Variants in PIK3C2G observed in about 807,000 individuals in gnomAD.
The protein encoded by PIK3C2G is phosphatidylinositol-4-phosphate 3-kinase catalytic subunit type 2 gamma, also known as phosphatidylinositol 3-kinase C2 domain-containing subunit gamma.
Under a neutral mutation model 181.1 loss-of-function variants are expected in PIK3C2G, and 168 were observed. The observed-to-expected ratio is 0.93, with a 90% CI of 0.82 to 1.05. The LOEUF is 1.05. Ranked by LOEUF, PIK3C2G falls within the 50% of genes least tolerant of loss-of-function variation. The pLI, the probability that PIK3C2G is intolerant of heterozygous loss-of-function variation, is 0.00. For missense variants in PIK3C2G, 1,869 were observed against 1,732.8 expected, an observed-to-expected ratio of 1.08 and a Z score of -1.40; for synonymous variants, 573 against 592.2, an observed-to-expected ratio of 0.97 and a Z score of 0.47.
At chr12:18,599,685 AAAAAAT>A (rs1000944161) in intron 30 of PIK3C2G, among the ~76,000 whole-genome samples, 8 of 99,460 alleles carry the variant, frequency 8.0e-5, no homozygotes, top group African/African-American at 3.0e-4. Context: ...TATAAATAAA[AAAAAAT>A]AAAAATAAAA....
intron 30 of PIK3C2G, among the ~76,000 whole-genome samples, chr12:18,607,552 A>T (rs960026135): frequency 5.3e-5 from 8 of 152,238 alleles, no homozygotes; most frequent in Non-Finnish European, 1.0e-4. Flanking sequence ...AATTAATTCA[A>T]GATGGATTAA....
At chr12:18,688,048 G>C in the PIK3C2G span, 1 of 1,601,396 alleles carries the variant, frequency 6.2e-7, no homozygotes, top group Non-Finnish European at 8.5e-7. Flanking sequence ...TTTCCAACAA[G>C]AAGTCTAATG....
chr12:18,705,621 T>G, the PIK3C2G span, among the ~76,000 whole-genome samples: 13 of 152,038 alleles, frequency 8.6e-5, no homozygotes, highest in Admixed American at 6.5e-4. Context: ...ATCCCAGCAC[T>G]TTGGGAGGCT....
chr12:18,636,808 T>TC (rs984070052), intron 31 of PIK3C2G, among the ~76,000 whole-genome samples: 1 of 152,002 alleles, frequency 6.6e-6, no homozygotes, highest in Non-Finnish European at 1.5e-5. Flanking sequence ...GTCTCTGAAA[T>TC]CCCCCCAGTG....
intron 30 of PIK3C2G, among the ~76,000 whole-genome samples, chr12:18,605,055 T>G (rs145479783): frequency 0.016 from 2,411 of 151,906 alleles, 68 homozygotes; most frequent in African/African-American, 0.055. Context: ...CAGAACTAAA[T>G]GAAATTGAAA....
intron 18 of PIK3C2G, among the ~76,000 whole-genome samples, chr12:18,438,445 G>C (rs1946562060): frequency 6.6e-6 from 1 of 151,902 alleles, no homozygotes; most frequent in Non-Finnish European, 1.5e-5. Flanking sequence ...TTTCTGCTTT[G>C]ACTACTCCTT....
chr12:18,465,558 T>A (rs1268372887), intron 18 of PIK3C2G, among the ~76,000 whole-genome samples: 1 of 151,910 alleles, frequency 6.6e-6, no homozygotes, highest in African/African-American at 2.4e-5. Context: ...TTGAAAGATA[T>A]GTTTAGTGAA....
chr12:18,410,374 A>G (rs1366420758), intron 16 of PIK3C2G, among the ~76,000 whole-genome samples: 2 of 151,978 alleles, frequency 1.3e-5, no homozygotes, highest in African/African-American at 4.8e-5. Flanking sequence ...GCATGGTGGC[A>G]CAGGCCTGTA....
intron 24 of PIK3C2G, among the ~76,000 whole-genome samples, chr12:18,521,838 G>C (rs1318535524): frequency 1.3e-5 from 2 of 152,236 alleles, no homozygotes; most frequent in Non-Finnish European, 2.9e-5. Flanking sequence ...TAGCCGAGTG[G>C]CTGTTGAGAA....
intron 26 of PIK3C2G, among the ~76,000 whole-genome samples, chr12:18,560,650 A>G (rs1203003482): frequency 6.6e-6 from 1 of 152,082 alleles, no homozygotes; most frequent in Non-Finnish European, 1.5e-5. Context: ...TACATATAAT[A>G]GTAGTCCCTG....
chr12:18,433,210 T>C (rs1946261691), intron 18 of PIK3C2G, among the ~76,000 whole-genome samples: 2 of 152,146 alleles, frequency 1.3e-5, no homozygotes, highest in Non-Finnish European at 2.9e-5. Flanking sequence ...TAGTGTCTAA[T>C]TGATATTTAA....
intron 11 of PIK3C2G, among the ~76,000 whole-genome samples, chr12:18,353,273 G>A (rs1052763262): frequency 2.6e-5 from 4 of 152,060 alleles, no homozygotes; most frequent in African/African-American, 7.3e-5. Flanking sequence ...CAAGGCTCCA[G>A]TTGCCTGACT....
At chr12:18,420,180 A>G (rs1945400351) in intron 16 of PIK3C2G, among the ~76,000 whole-genome samples, 1 of 152,130 alleles carries the variant, frequency 6.6e-6, no homozygotes, top group African/African-American at 2.4e-5. Flanking sequence ...TCAAAGCAAT[A>G]TGGAGCCAAA....
intron 16 of PIK3C2G, among the ~76,000 whole-genome samples, chr12:18,420,190 A>C (rs1404520190): frequency 6.6e-6 from 1 of 152,114 alleles, no homozygotes; most frequent in Non-Finnish European, 1.5e-5. Flanking sequence ...ATGGAGCCAA[A>C]ATTATCTCCA....
chr12:18,313,824 A>G (rs1232443298), intron 5 of PIK3C2G, 138 bp from the exon 6 acceptor site: 11 of 544,286 alleles, frequency 2.0e-5, no homozygotes, highest in East Asian at 1.3e-4. Flanking sequence ...ACACACACAC[A>G]CACACGCACA....
chr12:18,483,003 T>C (rs1228341751), intron 18 of PIK3C2G, among the ~76,000 whole-genome samples: 1 of 152,224 alleles, frequency 6.6e-6, no homozygotes, highest in African/African-American at 2.4e-5. Flanking sequence ...GCAACACTCT[T>C]GAAATATAGG....
intron 16 of PIK3C2G, among the ~76,000 whole-genome samples, chr12:18,419,098 T>C (rs1423992430): frequency 2.0e-5 from 3 of 152,170 alleles, no homozygotes; most frequent in African/African-American, 4.8e-5. Context: ...CTAAGAAATA[T>C]GTAGAGAGTG....
At chr12:18,382,123 A>G (rs1034684639) in intron 14 of PIK3C2G, among the ~76,000 whole-genome samples, 2 of 152,154 alleles carry the variant, frequency 1.3e-5, no homozygotes, top group Non-Finnish European at 2.9e-5. Flanking sequence ...CATGTTGGAG[A>G]ACTATGGAGT....
intron 24 of PIK3C2G, among the ~76,000 whole-genome samples, chr12:18,511,349 G>A (rs1473624125): frequency 2.0e-5 from 3 of 152,092 alleles, no homozygotes; most frequent in Non-Finnish European, 2.9e-5. Flanking sequence ...ACCCAGGAGC[G>A]AGATTATTCG....
Sources: allele counts gnomAD v4.1 joint callset (sites outside exome capture counted in the v4.1 genomes callset), GRCh38; gene constraint gnomAD v4.1.1; transcripts MANE v1.5; gene names NCBI Gene and HGNC (gene_info 2026-07-23, HGNC 2026-07-21).